Variants in ASTN1 observed in about 807,000 individuals in gnomAD.
The protein encoded by ASTN1 is astrotactin-1.
In ASTN1, 41 loss-of-function variants were observed where a neutral mutation model predicts 140.7. The observed-to-expected ratio is 0.29, with a 90% confidence interval of 0.23 to 0.38. The LOEUF is 0.38. ASTN1 is among the 10% of genes least tolerant of loss of function. The pLI is 1.00. For missense variants in ASTN1, 1,479 were observed against 1,678.8 expected (o/e 0.88, Z 2.08); for synonymous variants, 640 against 652.2 (o/e 0.98, Z 0.29).
chr1:177,059,926 C>G (rs947197605), intron 2 of ASTN1, among the ~76,000 whole-genome samples: 1 of 152,166 alleles, frequency 6.6e-6, no homozygotes, highest in Non-Finnish European at 1.5e-5. Flanking sequence ...TCAGTCAAGT[C>G]TCAACCTGCT....
At chr1:176,886,902 T>C (rs924913953) in intron 18 of ASTN1, among the ~76,000 whole-genome samples, 3 of 152,224 alleles carry the variant, frequency 2.0e-5, no homozygotes, top group Non-Finnish European at 4.4e-5. Flanking sequence ...CTTTATTAGA[T>C]ACAATATTCC....
At chr1:176,905,893 G>T (rs372773607) in intron 16 of ASTN1, among the ~76,000 whole-genome samples, 1 of 152,202 alleles carries the variant, frequency 6.6e-6, no homozygotes, top group Non-Finnish European at 1.5e-5. Context: ...AGATTCATGT[G>T]GCTCTGACTG....
At chr1:176,900,866 G>T (rs528843632) in intron 16 of ASTN1, among the ~76,000 whole-genome samples, 10 of 152,272 alleles carry the variant, frequency 6.6e-5, no homozygotes, top group South Asian at 2.1e-4. Context: ...CGGATGGCAG[G>T]TGCCTTGAAG....
chr1:176,921,235 C>T (rs983661486), intron 16 of ASTN1, among the ~76,000 whole-genome samples: 1 of 152,102 alleles, frequency 6.6e-6, no homozygotes, highest in African/African-American at 2.4e-5. Context: ...TTTCCTTTAA[C>T]TTATATCTTC....
intron 1 of ASTN1, among the ~76,000 whole-genome samples, chr1:177,162,366 C>T (rs923676430): frequency 6.6e-6 from 1 of 152,146 alleles, no homozygotes; most frequent in African/African-American, 2.4e-5. Flanking sequence ...GGGAGATAAT[C>T]GATGCATTTA....
intron 21 of ASTN1, among the ~76,000 whole-genome samples, chr1:176,871,126 T>C (rs1016800096): frequency 6.6e-6 from 1 of 152,136 alleles, no homozygotes; most frequent in Non-Finnish European, 1.5e-5. Flanking sequence ...GGGATGACTC[T>C]CTCTAGTCAT....
intron 1 of ASTN1, among the ~76,000 whole-genome samples, chr1:177,075,134 C>T (rs1000505689): frequency 4.0e-5 from 6 of 151,522 alleles, no homozygotes; most frequent in Admixed American, 1.3e-4. Context: ...AGTGCAATGG[C>T]GTGATCTTGG....
intron 2 of ASTN1, among the ~76,000 whole-genome samples, chr1:177,036,976 T>A (rs1156421717): frequency 6.6e-6 from 1 of 151,998 alleles, no homozygotes; most frequent in African/African-American, 2.4e-5. Flanking sequence ...TGCACCACCA[T>A]GCCTGGCTAA....
intron 16 of ASTN1, among the ~76,000 whole-genome samples, chr1:176,920,611 C>A (rs987954820): frequency 2.6e-5 from 4 of 152,184 alleles, no homozygotes; most frequent in African/African-American, 9.6e-5. Flanking sequence ...ATGGGATGAA[C>A]TATGAATGTG....
At chr1:177,011,093 A>G (rs1476387407) in intron 8 of ASTN1, among the ~76,000 whole-genome samples, 1 of 152,122 alleles carries the variant, frequency 6.6e-6, no homozygotes, top group East Asian at 1.9e-4. Context: ...CTCTCTCTGT[A>G]AAGTGAATTC....
downstream of ASTN1, chr1:176,860,962 T>G (rs1264797248): frequency 2.0e-6 from 1 of 492,268 alleles, no homozygotes; most frequent in Admixed American, 6.4e-5. Context: ...ATAAGGCCCA[T>G]TATGTCTGGA....
chr1:176,894,766 T>A lies in ASTN1; in HGVS notation c.2736A>T (p.Glu912Asp), dbSNP rs1263447249. 7 of 1,614,094 alleles carry A rather than the reference T, an allele frequency of 4.3e-6. No individual in the cohort carries two copies. The highest frequency in any genetic ancestry group is 5.9e-6 in the Non-Finnish European group (7 of 1,180,042). The change falls in exon 17 of 23, where the codon GAA (glutamate) becomes GAT (aspartate). Residue 912 changes from glutamate (E) to aspartate (D), a missense_variant. By Grantham distance (45) the Glu-to-Asp change is conservative. This residue lies in a region of ASTN1 where 746 missense variants were observed against 800.9 expected (regional missense o/e 0.93). Transcript: ENST00000361833. ...ERDPKVLTFP[E>D]YITSLSDSGT... ...CGGAGTCTGACAAGCTGGTGATGTATTCTGGGAATGTCAGCACCTTGGGGT... is the reference window on the plus strand; with the variant it reads ...CGGAGTCTGACAAGCTGGTGATGTAATCTGGGAATGTCAGCACCTTGGGGT...
intron 18 of ASTN1, among the ~76,000 whole-genome samples, chr1:176,887,001 T>C (rs902133975): frequency 3.9e-5 from 6 of 152,190 alleles, no homozygotes; most frequent in Non-Finnish European, 7.4e-5. Flanking sequence ...CCAGTTCTGT[T>C]TCGTCTTCCA....
At chr1:176,931,278 T>C (rs1190662391) in intron 16 of ASTN1, among the ~76,000 whole-genome samples, 3 of 151,970 alleles carry the variant, frequency 2.0e-5, no homozygotes, top group African/African-American at 7.3e-5. Context: ...ACCAGTCTGA[T>C]CAACACGGAG....
At chr1:177,065,527 G>A (rs376459537) in intron 1 of ASTN1, among the ~76,000 whole-genome samples, 26 of 152,302 alleles carry the variant, frequency 1.7e-4, no homozygotes, top group Non-Finnish European at 3.7e-4. Flanking sequence ...AATGCAGAGC[G>A]GAGCTTGGCA....
At chr1:177,148,173 C>A (rs531844295) in intron 1 of ASTN1, among the ~76,000 whole-genome samples, 2 of 152,178 alleles carry the variant, frequency 1.3e-5, no homozygotes, top group African/African-American at 4.8e-5. Context: ...AATCCCAGCA[C>A]TTTGGGAGGC....
chr1:176,972,535 G>T (rs1443730791), intron 8 of ASTN1, among the ~76,000 whole-genome samples: 2 of 151,934 alleles, frequency 1.3e-5, no homozygotes, highest in African/African-American at 4.8e-5. Context: ...ATCTCACTCT[G>T]TCACCCATGC....
chr1:177,111,413 C>T (rs1403335603), intron 1 of ASTN1, among the ~76,000 whole-genome samples: 2 of 151,092 alleles, frequency 1.3e-5, no homozygotes, highest in Non-Finnish European at 2.9e-5. Flanking sequence ...AAATGAATGT[C>T]TGATTCACCA....
intron 9 of ASTN1, among the ~76,000 whole-genome samples, chr1:176,959,631 A>T (rs1672568725): frequency 6.6e-6 from 1 of 152,162 alleles, no homozygotes; most frequent in African/African-American, 2.4e-5. Flanking sequence ...TACACCCTGA[A>T]AGAGAGTCCT....
Sources: gnomAD v4.1 joint callset for allele counts (sites outside exome capture counted in the v4.1 genomes callset) on GRCh38, gnomAD v4.1.1 for gene constraint, gnomAD v4.1.1 regional missense constraint, MANE v1.5 for transcripts, NCBI Gene and HGNC (gene_info 2026-07-23, HGNC 2026-07-21) for gene names.